The following RNF212B variants were observed in gnomAD, a reference collection of about 807,000 sequenced individuals.
RNF212B encodes ring finger protein 212B, also known as E3 ubiquitin-protein ligase RNF212B.
Under a neutral mutation model 55.5 loss-of-function variants are expected in RNF212B, and 52 were observed. The ratio of observed to expected loss-of-function variants is 0.94; its 90% CI spans 0.75 to 1.18. The LOEUF (loss-of-function observed/expected upper bound fraction) is 1.18. Ranked by LOEUF, RNF212B falls within the 50% of genes most tolerant of loss-of-function variation. The pLI is 0.00. For missense variants in RNF212B, 289 were observed against 350.4 expected, an observed-to-expected ratio of 0.82 and a Z score of 1.40; for synonymous variants, 99 against 121.4, an observed-to-expected ratio of 0.82 and a Z score of 1.21.
At chr14:23,198,636 A>T (rs1264790166) in intron 2 of RNF212B, among the ~76,000 whole-genome samples, 2 of 150,478 alleles carry the variant, frequency 1.3e-5, no homozygotes, top group Admixed American at 6.7e-5. Flanking sequence ...AGATCGCGCC[A>T]TGGCACTCCA....
chr14:23,271,280 T>C (rs1439615707), intron 14 of RNF212B, among the ~76,000 whole-genome samples: 2 of 151,928 alleles, frequency 1.3e-5, no homozygotes, highest in Non-Finnish European at 2.9e-5. Context: ...CTCTCTCTAC[T>C]GAAAATACAA....
At chr14:23,190,805 A>G (rs1878047517) in intron 1 of RNF212B, among the ~76,000 whole-genome samples, 1 of 152,192 alleles carries the variant, frequency 6.6e-6, no homozygotes, top group African/African-American at 2.4e-5. Context: ...GCTAACTAGA[A>G]TCAAACCTGG....
chr14:23,234,187 A>G (rs1882940028), upstream of RNF212B, among the ~76,000 whole-genome samples: 1 of 151,856 alleles, frequency 6.6e-6, no homozygotes, highest in South Asian at 2.1e-4. Flanking sequence ...TCAAATTTCT[A>G]TTAAGTTGTT....
intron 4 of RNF212B, among the ~76,000 whole-genome samples, chr14:23,256,310 C>A (rs955620462): frequency 6.6e-6 from 1 of 151,964 alleles, no homozygotes; most frequent in Non-Finnish European, 1.5e-5. Context: ...CTCACTCCTA[C>A]CCCCCTGCCA....
chr14:23,250,739 C>G (rs1884345692), intron 4 of RNF212B, among the ~76,000 whole-genome samples: 1 of 152,066 alleles, frequency 6.6e-6, no homozygotes, highest in African/African-American at 2.4e-5. Context: ...CCAAGGTGGT[C>G]AGAGTACAGT....
chr14:23,262,598 TC>T (rs1222768214), intron 7 of RNF212B, 66 bp from the exon 8 acceptor site: 8 of 1,300,346 alleles, frequency 6.2e-6, no homozygotes, highest in African/African-American at 1.5e-5. Context: ...ATCTGATTGA[TC>T]CTCTAAAGTG....
At chr14:23,243,378 A>T in intron 3 of RNF212B, 70 bp downstream of exon 3, 1 of 1,274,636 alleles carries the variant, frequency 7.8e-7, no homozygotes, top group South Asian at 1.3e-5. Flanking sequence ...TATACAAAGT[A>T]CAGATGATGA....
At chr14:23,250,986 G>A (rs1407979484) in intron 4 of RNF212B, among the ~76,000 whole-genome samples, 3 of 152,136 alleles carry the variant, frequency 2.0e-5, no homozygotes, top group African/African-American at 4.8e-5. Flanking sequence ...ATGAAAGGCA[G>A]GTTTGCCCTG....
At chr14:23,260,711 T>G in intron 7 of RNF212B, 24 bp downstream of exon 7, 1 of 1,548,586 alleles carries the variant, frequency 6.5e-7, no homozygotes, top group Non-Finnish European at 8.7e-7. Context: ...GCTCCCATAC[T>G]AGCCCAGCCC....
intron 2 of RNF212B, among the ~76,000 whole-genome samples, chr14:23,223,246 CA>C (rs759788600): frequency 6.6e-6 from 1 of 151,482 alleles, no homozygotes; most frequent in Non-Finnish European, 1.5e-5. Flanking sequence ...CACTTCATGA[CA>C]AAAAAACCCT....
intron 2 of RNF212B, among the ~76,000 whole-genome samples, chr14:23,205,279 C>A (rs1879722594): frequency 6.7e-6 from 1 of 149,012 alleles, no homozygotes; most frequent in Admixed American, 6.7e-5. Context: ...TGGAATTAGA[C>A]AAAAATTTTT....
At chr14:23,272,410 C>T (rs1013053012) in intron 14 of RNF212B, 45 of 249,160 alleles carry the variant, frequency 1.8e-4, no homozygotes, top group Admixed American at 3.2e-4. Context: ...CAGAGCGAGA[C>T]TCCATCTCAA....
At chr14:23,192,004 C>G (rs1878160576) in intron 1 of RNF212B, among the ~76,000 whole-genome samples, 1 of 152,166 alleles carries the variant, frequency 6.6e-6, no homozygotes, top group Admixed American at 6.5e-5. Context: ...GCCATGCATT[C>G]AAGAATATTC....
chr14:23,255,951 T>A (rs1050072376), intron 4 of RNF212B, among the ~76,000 whole-genome samples: 3 of 152,210 alleles, frequency 2.0e-5, no homozygotes, highest in African/African-American at 4.8e-5. Flanking sequence ...TCTTTAATAC[T>A]CCTTGCTGGT....
At chr14:23,214,185 G>A (rs549210799) in intron 2 of RNF212B, among the ~76,000 whole-genome samples, 3 of 152,266 alleles carry the variant, frequency 2.0e-5, no homozygotes, top group African/African-American at 7.2e-5. Context: ...TCTCAGCAAA[G>A]AAATAGAAGA....
rs1457703849 is a variant in RNF212B at position 23,248,057 on chromosome 14, C to T, written c.228+3661C>T. Among the ~76,000 whole-genome samples, 6 of 152,078 alleles carry T rather than the reference C, an allele frequency of 3.9e-5. No individual in the cohort carries two copies. The East Asian group carries it at 9.6e-4, about 24-fold the overall frequency. On this transcript the variant is annotated intron_variant, in intron 4 of 14. Transcript: ENST00000430154. ...TTACTCTTTGCTTCCAAGATAATGCCTTCTTGCTGCATCCTCACATGGCAA... is the reference window on the plus strand; with the variant it reads ...TTACTCTTTGCTTCCAAGATAATGCTTTCTTGCTGCATCCTCACATGGCAA...
At chr14:23,263,088 A>T in intron 9 of RNF212B, 118 bp downstream of exon 9, 1 of 894,368 alleles carries the variant, frequency 1.1e-6, no homozygotes, top group Non-Finnish European at 1.7e-6. Flanking sequence ...GTTTAAAGCT[A>T]GGGTTTTTTT....
chr14:23,226,661 G>A (rs1882048989), intron 2 of RNF212B, among the ~76,000 whole-genome samples: 1 of 151,950 alleles, frequency 6.6e-6, no homozygotes, highest in Non-Finnish European at 1.5e-5. Flanking sequence ...AGGGGACACG[G>A]AAAACCGGTG....
intron 1 of RNF212B, chr14:23,193,244 T>C (rs963357459): frequency 1.3e-5 from 2 of 152,100 alleles, no homozygotes; most frequent in Non-Finnish European, 2.9e-5. Flanking sequence ...ATAGCCAAAG[T>C]ATCAATCAAA....
Sources: allele counts gnomAD v4.1 joint callset (sites outside exome capture counted in the v4.1 genomes callset), GRCh38; gene constraint gnomAD v4.1.1; transcripts MANE v1.5; gene names NCBI Gene and HGNC (gene_info 2026-07-23, HGNC 2026-07-21).